The following ERO1A variants were observed in gnomAD, a reference collection of about 807,000 sequenced individuals.
ERO1A encodes endoplasmic reticulum oxidoreductase 1 alpha, also known as ERO1-like protein alpha.
A neutral mutation model predicts 76.9 loss-of-function variants in ERO1A; 49 were observed. That is an observed-to-expected ratio of 0.64 (90% CI 0.51 to 0.81). The LOEUF (loss-of-function observed/expected upper bound fraction) is 0.81, where lower values mean the gene tolerates loss of function less well. ERO1A is among the 30% of genes least tolerant of loss of function. ERO1A has a pLI of 0.00. For synonymous variants in ERO1A, 174 were observed against 181.2 expected (o/e 0.96, Z 0.32); for missense variants, 448 against 542.1 (o/e 0.83, Z 1.72).
At position 52,652,271 on chromosome 14, in the gene ERO1A, C is replaced by G. The variant is rs543882023; in HGVS notation, c.1093G>C (p.Ala365Pro). 1.9e-6 allele frequency: 3 copies of G among 1,610,458 alleles called. No individual in the cohort carries two copies. The African/African-American group carries it at 4.0e-5, about 22-fold the overall frequency. ...PLHFDENSFF[A>P]GDKKEAHKLK... ...TTGTGTGCTTCTTTTTTATCCCCAG[C>G]AAAAAATGAATTCTCATCAAAATGC... The change falls in exon 13 of 16, where the codon GCT becomes CCT. Residue 365 changes from alanine to proline, a missense_variant. Coordinates refer to ENST00000395686, the MANE Select transcript of ERO1A (RefSeq NM_014584.3).
chr14:52,687,700 A>G (rs138642157), intron 1 of ERO1A, among the ~76,000 whole-genome samples: 123 of 152,334 alleles, frequency 8.1e-4, no homozygotes, highest in African/African-American at 2.9e-3. Flanking sequence ...ACAGGAATCT[A>G]AATTTTTTTA....
chr14:52,666,311 T>C, intron 7 of ERO1A, 64 bp downstream of exon 7: 1 of 1,169,108 alleles, frequency 8.6e-7, no homozygotes, highest in Non-Finnish European at 1.2e-6. Context: ...ATCATTATGA[T>C]TTTGTTTATA....
At position 52,683,882 on chromosome 14, in the gene ERO1A, G is replaced by T; in HGVS notation, c.140C>A (p.Thr47Asn). Residue 47 changes from threonine (T) to asparagine (N), a missense_variant, in exon 2 of 16, where the codon ACC (threonine) becomes AAC (asparagine). Physicochemically the swap from Thr to Asn is moderately conservative, Grantham distance 65. Transcript: ENST00000395686. The stretch of plus-strand genomic sequence containing the variant: ...TCTATCAATGGTTTCAACATCACAG[G>T]TACAATCATCCAAGTAACCACTAAC... ...CQVSGYLDDCTCDVETIDRFN... is the reference protein window; with the variant it reads ...CQVSGYLDDCNCDVETIDRFN... 6.3e-7 allele frequency: 1 copy of T among 1,588,610 alleles called. No individual in the cohort carries two copies. Among genetic ancestry groups the T allele is most frequent in the Non-Finnish European group, 8.6e-7 (1 of 1,164,304 alleles).
chr14:52,669,151 T>C (rs1198404923), intron 6 of ERO1A, among the ~76,000 whole-genome samples: 2 of 152,322 alleles, frequency 1.3e-5, no homozygotes, highest in East Asian at 3.8e-4. Context: ...ACATCCATTA[T>C]TTATTCCTGC....
At chr14:52,684,150 CAGAG>C (rs797002566) in intron 1 of ERO1A, among the ~76,000 whole-genome samples, 15 of 139,278 alleles carry the variant, frequency 1.1e-4, no homozygotes, top group Admixed American at 3.7e-4. Flanking sequence ...CACACACACA[CAGAG>C]AGAGTTGGCC....
chr14:52,667,291 T>C (rs373703111), intron 6 of ERO1A, among the ~76,000 whole-genome samples: 2 of 152,092 alleles, frequency 1.3e-5, no homozygotes, highest in Non-Finnish European at 2.9e-5. Flanking sequence ...AAAGGGAAAA[T>C]TGGAAGCAAC....
intron 15 of ERO1A, among the ~76,000 whole-genome samples, chr14:52,644,210 T>C (rs1249445474): frequency 6.6e-6 from 1 of 151,976 alleles, no homozygotes; most frequent in Non-Finnish European, 1.5e-5. Flanking sequence ...TCCCAGCGCT[T>C]TGGGAGGCCA....
intron 1 of ERO1A, among the ~76,000 whole-genome samples, chr14:52,693,002 C>CTTTTTTTTTT (rs559143853): frequency 2.1e-4 from 18 of 85,710 alleles, no homozygotes; most frequent in Admixed American, 3.3e-4. Flanking sequence ...AAATAGACAA[C>CTTTTTTTTTT]TTTTTTTTTT....
intron 1 of ERO1A, among the ~76,000 whole-genome samples, chr14:52,693,408 G>A (rs1044735502): frequency 1.3e-5 from 2 of 152,158 alleles, no homozygotes; most frequent in Non-Finnish European, 1.5e-5. Flanking sequence ...CTTCAGTTTC[G>A]GAACTCAGAC....
At chr14:52,652,440 A>G (rs1321721158) in intron 12 of ERO1A, 132 bp from the exon 13 acceptor site, 11 of 581,922 alleles carry the variant, frequency 1.9e-5, no homozygotes, top group Non-Finnish European at 3.1e-5. Flanking sequence ...GATGCCCCAA[A>G]TCAAATTCTT....
chr14:52,654,210 T>C (rs774286192), intron 11 of ERO1A, among the ~76,000 whole-genome samples: 3 of 152,146 alleles, frequency 2.0e-5, no homozygotes, highest in African/African-American at 4.8e-5. Flanking sequence ...GCTAGACTTA[T>C]AATTTTCTTG....
intron 15 of ERO1A, among the ~76,000 whole-genome samples, chr14:52,645,875 CA>C (rs2039634683): frequency 6.7e-6 from 1 of 148,568 alleles, no homozygotes; most frequent in Admixed American, 6.6e-5. Context: ...CACACACACA[CA>C]CACACACAAA....
At chr14:52,656,467 T>G (rs1222126725) in intron 11 of ERO1A, among the ~76,000 whole-genome samples, 1 of 152,118 alleles carries the variant, frequency 6.6e-6, no homozygotes, top group Non-Finnish European at 1.5e-5. Context: ...TCCCAGCACT[T>G]TGGGAGGCCA....
chr14:52,674,474 C>T (rs1365503184), intron 4 of ERO1A, among the ~76,000 whole-genome samples: 3 of 152,202 alleles, frequency 2.0e-5, no homozygotes, highest in Non-Finnish European at 4.4e-5. Context: ...ACTGGGATTA[C>T]ACAGGCATGA....
At chr14:52,656,338 A>G (rs913657462) in intron 11 of ERO1A, among the ~76,000 whole-genome samples, 2 of 152,226 alleles carry the variant, frequency 1.3e-5, no homozygotes, top group Admixed American at 6.5e-5. Flanking sequence ...AAGATGAAAA[A>G]AAATAATAGT....
intron 1 of ERO1A, among the ~76,000 whole-genome samples, chr14:52,687,139 G>A (rs1337957210): frequency 6.6e-6 from 1 of 152,142 alleles, no homozygotes; most frequent in African/African-American, 2.4e-5. Context: ...AACAAAGCAT[G>A]TTACTAGAAT....
chr14:52,689,250 G>A (rs917449602), intron 1 of ERO1A, among the ~76,000 whole-genome samples: 2 of 152,164 alleles, frequency 1.3e-5, no homozygotes, highest in African/African-American at 2.4e-5. Context: ...CACTGCGCCC[G>A]GCCCTCATAT....
intron 1 of ERO1A, among the ~76,000 whole-genome samples, chr14:52,689,192 G>C (rs2041274766): frequency 6.6e-6 from 1 of 152,164 alleles, no homozygotes. Flanking sequence ...GACCTCAGGT[G>C]ATCCACCCGC....
At chr14:52,676,860 C>T (rs2040801533) in intron 4 of ERO1A, among the ~76,000 whole-genome samples, 1 of 142,772 alleles carries the variant, frequency 7.0e-6, no homozygotes, top group Non-Finnish European at 1.5e-5. Flanking sequence ...CATGGTAGAA[C>T]CCCCCTATCT....
Sources: gnomAD v4.1 joint callset for allele counts (sites outside exome capture counted in the v4.1 genomes callset) on GRCh38, gnomAD v4.1.1 for gene constraint, MANE v1.5 for transcripts, NCBI Gene and HGNC (gene_info 2026-07-23, HGNC 2026-07-21) for gene names.